The following SCFD2 variants were observed in gnomAD, a reference collection of about 807,000 sequenced individuals.
SCFD2 encodes the protein sec1 family domain containing 2, also known as sec1 family domain-containing protein 2.
Under a neutral mutation model 58.9 loss-of-function variants are expected in SCFD2, and 54 were observed. The ratio of observed to expected loss-of-function variants is 0.92; its 90% confidence interval spans 0.74 to 1.15. The LOEUF is 1.15. Ranked by LOEUF, SCFD2 falls within the 50% of genes most tolerant of loss-of-function variation. The pLI is 0.00. For missense variants in SCFD2, 805 were observed against 836.6 expected (o/e 0.96, Z 0.47); for synonymous variants, 321 against 335.9 (o/e 0.96, Z 0.49).
At chr4:53,016,386 AC>A (rs1560510825) in intron 5 of SCFD2, among the ~76,000 whole-genome samples, 16 of 152,234 alleles carry the variant, frequency 1.1e-4, no homozygotes. Context: ...TTTTTGATTA[AC>A]ACTCCTGGAT....
intron 4 of SCFD2, among the ~76,000 whole-genome samples, chr4:53,247,010 A>C (rs975658478): frequency 6.6e-6 from 1 of 151,514 alleles, no homozygotes; most frequent in African/African-American, 2.4e-5. Context: ...AAAAAAAAAA[A>C]AACTCCAAAC....
intron 5 of SCFD2, among the ~76,000 whole-genome samples, chr4:53,007,433 G>C (rs1300709478): frequency 6.6e-6 from 1 of 150,664 alleles, no homozygotes; most frequent in East Asian, 2.0e-4. Context: ...GAGGGAGGGA[G>C]GGAGGAAGGA....
chr4:53,365,885 G>C lies in SCFD2; in HGVS notation c.57C>G (p.Ala19=). 1 of 1,604,840 alleles carries C rather than the reference G, an allele frequency of 6.2e-7. No individual in the cohort carries two copies. The highest frequency in any genetic ancestry group is 1.1e-5 in the South Asian group (1 of 90,326). ...FTQQGWEQVL[A]KVKRAVVYLD... is the part of the protein sequence containing the mutation. ...GGTAAACCACAGCCCGTTTCACTTT[G>C]GCCAGCACCTGCTCCCATCCTTGCT... Residue 19 remains alanine, a synonymous_variant, in exon 1 of 9, where the codon GCC becomes GCG. Transcript: ENST00000401642. This position sits in a 1 kb window ranked among gnomAD's most constrained non-coding sequence, Gnocchi z 4.3.
At chr4:53,092,931 T>C (rs1452689009) in intron 5 of SCFD2, among the ~76,000 whole-genome samples, 1 of 151,680 alleles carries the variant, frequency 6.6e-6, no homozygotes, top group Non-Finnish European at 1.5e-5. Flanking sequence ...TGTACATAGG[T>C]TGGTGAGAAA....
intron 4 of SCFD2, among the ~76,000 whole-genome samples, chr4:53,237,896 T>A (rs1171808224): frequency 4.4e-4 from 14 of 31,722 alleles, no homozygotes; most frequent in South Asian, 1.6e-3. Context: ...GCGGCTGGCC[T>A]GGCGGGGGGC....
chr4:53,268,780 G>A (rs1731071519), intron 4 of SCFD2, among the ~76,000 whole-genome samples: 1 of 152,148 alleles, frequency 6.6e-6, no homozygotes, highest in Admixed American at 6.5e-5. Flanking sequence ...TCTGTATGAA[G>A]TGAGAGAGAA....
At chr4:53,232,267 C>T (rs1013136858) in intron 4 of SCFD2, among the ~76,000 whole-genome samples, 26 of 152,130 alleles carry the variant, frequency 1.7e-4, no homozygotes, top group Admixed American at 1.5e-3. Context: ...ACGAACTACT[C>T]AAAGGAATCT....
At chr4:53,331,057 A>C (rs1733442393) in intron 2 of SCFD2, among the ~76,000 whole-genome samples, 1 of 151,868 alleles carries the variant, frequency 6.6e-6, no homozygotes, top group South Asian at 2.1e-4. Flanking sequence ...TATCCTAAAT[A>C]TATATGCACC....
chr4:52,972,103 A>G (rs1428084678), intron 5 of SCFD2, among the ~76,000 whole-genome samples: 1 of 152,228 alleles, frequency 6.6e-6, no homozygotes, highest in Non-Finnish European at 1.5e-5. Flanking sequence ...AAGAAACTGC[A>G]TCAATTAACA....
chr4:53,265,655 A>T (rs1730963022), intron 4 of SCFD2: 1 of 152,180 alleles, frequency 6.6e-6, no homozygotes, highest in South Asian at 2.1e-4. Flanking sequence ...TTCAAGCACT[A>T]GTTATTGTTA....
At chr4:52,929,273 G>A (rs1719934509) in intron 5 of SCFD2, among the ~76,000 whole-genome samples, 1 of 151,970 alleles carries the variant, frequency 6.6e-6, no homozygotes, top group African/African-American at 2.4e-5. Flanking sequence ...TGGATTCATG[G>A]GTGTTTATTA....
intron 5 of SCFD2, among the ~76,000 whole-genome samples, chr4:53,117,401 CCT>C (rs1453349150): frequency 6.6e-6 from 1 of 152,176 alleles, no homozygotes; most frequent in African/African-American, 2.4e-5. Flanking sequence ...AACTCTGCTA[CCT>C]CTCTACTGAG....
chr4:53,237,287 C>G (rs1252299137), intron 4 of SCFD2, among the ~76,000 whole-genome samples: 1 of 151,032 alleles, frequency 6.6e-6, no homozygotes, highest in African/African-American at 2.4e-5. Flanking sequence ...CTTTTCCCCA[C>G]CTTTCCTGCC....
chr4:53,343,008 A>G (rs1443658754), intron 2 of SCFD2, among the ~76,000 whole-genome samples: 1 of 152,230 alleles, frequency 6.6e-6, no homozygotes, highest in East Asian at 1.9e-4. Flanking sequence ...AGAAAGCAGG[A>G]AAGATCTAAA....
intron 2 of SCFD2, among the ~76,000 whole-genome samples, chr4:53,326,117 C>G (rs1733187935): frequency 6.6e-6 from 1 of 151,936 alleles, no homozygotes. Context: ...AACACCAATT[C>G]ATTATTTAAA....
intron 5 of SCFD2, among the ~76,000 whole-genome samples, chr4:53,007,403 A>AAGGAAGGAAGGGAGGG (rs1271004954): frequency 8.6e-6 from 1 of 116,812 alleles, no homozygotes; most frequent in African/African-American, 3.5e-5. Context: ...GGAAGGAAGG[A>AAGGAAGGAAGGGAGGG]AGGGAGGGAG....
At chr4:53,178,529 T>C (rs28795373) in intron 4 of SCFD2, among the ~76,000 whole-genome samples, 41,705 of 151,800 alleles carry the variant, frequency 0.27, 6,315 homozygotes, top group Non-Finnish European at 0.35. Flanking sequence ...CAAAGGTAGA[T>C]AAAACCACAA....
At chr4:53,255,887 A>G (rs1434373374) in intron 4 of SCFD2, among the ~76,000 whole-genome samples, 1 of 132,398 alleles carries the variant, frequency 7.6e-6, no homozygotes, top group African/African-American at 2.7e-5. Context: ...GGCCGGGCAG[A>G]GGGGCTCCTC....
intron 5 of SCFD2, among the ~76,000 whole-genome samples, chr4:53,114,166 A>C (rs1340605616): frequency 6.6e-6 from 1 of 152,162 alleles, no homozygotes; most frequent in Non-Finnish European, 1.5e-5. Context: ...TGAGGATTAA[A>C]TGAGTTAACT....
Sources: gnomAD v4.1 joint callset for allele counts (sites outside exome capture counted in the v4.1 genomes callset) on GRCh38, gnomAD v4.1.1 for gene constraint, Gnocchi (gnomAD v3.1) non-coding constraint, MANE v1.5 for transcripts, NCBI Gene and HGNC (gene_info 2026-07-23, HGNC 2026-07-21) for gene names.